SMG6: variants seen among roughly 807,000 people sequenced by gnomAD.
SMG6 encodes telomerase-binding protein EST1A.
Under a neutral mutation model 142.2 loss-of-function variants are expected in SMG6, and 66 were observed. The observed-to-expected ratio is 0.46, with a 90% confidence interval of 0.38 to 0.57. The LOEUF (loss-of-function observed/expected upper bound fraction) is 0.57. SMG6 is among the 20% of genes least tolerant of loss of function. SMG6 has a pLI of 0.00. For missense variants in SMG6, 1,793 were observed against 1,832.0 expected (o/e 0.98, Z 0.39); for synonymous variants, 779 against 702.4 (o/e 1.11, Z -1.72).
chr17:2,180,455 A>T (rs988277216), intron 12 of SMG6, among the ~76,000 whole-genome samples: 1 of 152,208 alleles, frequency 6.6e-6, no homozygotes, highest in African/African-American at 2.4e-5. Flanking sequence ...TCTAACACAC[A>T]GATCTAATAA....
rs1009629707 is a variant in SMG6, at chr17:2,113,829, G to C, written c.3358-27928C>G. ...AATTATCTCCTCCTGAGTGTCACAC[G>C]AGAGTGGTGGAACTAGTTATGAAGT... is the stretch of plus-strand genomic sequence containing the variant. On this transcript the variant is annotated intron_variant, in intron 13 of 18. Transcript: ENST00000263073. 3.3e-5 allele frequency among the ~76,000 whole-genome samples: 5 copies of C among 152,126 alleles called. No individual in the cohort carries two copies. In the South Asian group the frequency reaches 1.0e-3, roughly 31 times the overall value.
chr17:2,115,976 G>A (rs2069493266), intron 13 of SMG6, among the ~76,000 whole-genome samples: 1 of 152,104 alleles, frequency 6.6e-6, no homozygotes, highest in African/African-American at 2.4e-5. Flanking sequence ...CAAAGTGCAA[G>A]AATTACAGGT....
intron 10 of SMG6, chr17:2,199,818 G>A (rs1424106024): frequency 6.6e-6 from 1 of 151,298 alleles, no homozygotes; most frequent in Non-Finnish European, 1.5e-5. Flanking sequence ...TGAGGCAGGA[G>A]AATCGCTTGA....
Position 2,269,648 on chromosome 17 carries a change from A to T in SMG6, c.2661+12999T>A, listed in dbSNP as rs2074504819. 2.6e-5 allele frequency among the ~76,000 whole-genome samples: 4 copies of T among 152,184 alleles called. No individual in the cohort carries two copies. The South Asian group carries it at 8.3e-4, about 31-fold the overall frequency. On this transcript the variant is annotated intron_variant, in intron 8 of 18. Coordinates refer to ENST00000263073, the MANE Select transcript of SMG6 (RefSeq NM_017575.5). Reference sequence around the variant, plus strand: ...ACTATCCAACTTTGTGTAGCCACGTATTCCAACTCAGAAAGAAAACTGTCC... The same window carrying T: ...ACTATCCAACTTTGTGTAGCCACGTTTTCCAACTCAGAAAGAAAACTGTCC...
intron 8 of SMG6, among the ~76,000 whole-genome samples, chr17:2,251,883 C>T (rs908220419): frequency 5.1e-4 from 78 of 151,954 alleles, no homozygotes; most frequent in African/African-American, 1.8e-3. Flanking sequence ...GGGCGGATCA[C>T]CTGAGGTCGG....
At position 2,153,473 on chromosome 17, in the gene SMG6, G is replaced by C. The variant is rs189730801; in HGVS notation, c.3357+19185C>G. On this transcript the variant is annotated intron_variant, in intron 13 of 18. Transcript: ENST00000263073. ...ATGAAAGTATGTGTTTCTCAAAACT[G>C]TACAACAGAGTGAATTTTAACTTAT... 2.0e-5 allele frequency among the ~76,000 whole-genome samples: 3 copies of C among 152,352 alleles called. No individual in the cohort carries two copies. The East Asian group carries it at 5.8e-4, about 29-fold the overall frequency.
intron 13 of SMG6, among the ~76,000 whole-genome samples, chr17:2,153,034 T>C (rs1167621732): frequency 2.0e-5 from 3 of 152,246 alleles, no homozygotes; most frequent in Non-Finnish European, 4.4e-5. Flanking sequence ...ACAGCATGCA[T>C]GAATCTCAAA....
chr17:2,087,762 T>A (rs1236635922), intron 13 of SMG6: 1 of 985,840 alleles, frequency 1.0e-6, no homozygotes, highest in African/African-American at 1.7e-5. Flanking sequence ...AAATGAGTAA[T>A]AGCCTGGCAG....
chr17:2,216,383 A>C (rs2073021135), intron 10 of SMG6, among the ~76,000 whole-genome samples: 1 of 152,196 alleles, frequency 6.6e-6, no homozygotes, highest in African/African-American at 2.4e-5. Context: ...AAGTAGGCTG[A>C]AGATTTAAAC....
At position 2,061,672 on chromosome 17, in the gene SMG6, G is replaced by A. The variant is rs73296332; in HGVS notation, c.4130-50C>T. 6.3e-3 allele frequency: 9,705 copies of A among 1,542,552 alleles called. 465 individuals are homozygous for A. In the African/African-American group the frequency reaches 0.11, roughly 18 times the overall value. On this transcript the variant is annotated intron_variant, in intron 18 of 18. Coordinates refer to ENST00000263073, the MANE Select transcript of SMG6 (RefSeq NM_017575.5). ...CTGTCACTGAGGACAGGAGGCAGAG[G>A]GCTGGCTGCTCTTCTCACCCTGGAG...
intron 8 of SMG6, among the ~76,000 whole-genome samples, chr17:2,245,137 C>T (rs1208693505): frequency 6.6e-6 from 1 of 152,162 alleles, no homozygotes; most frequent in Non-Finnish European, 1.5e-5. Flanking sequence ...TTTCTACCTA[C>T]CTAGCTAGGA....
chr17:2,166,904 C>T (rs982613639), intron 13 of SMG6, among the ~76,000 whole-genome samples: 5 of 152,070 alleles, frequency 3.3e-5, no homozygotes, highest in Non-Finnish European at 7.4e-5. Context: ...GCGGGCAGAT[C>T]ACCTTGAGGT....
Position 2,292,968 on chromosome 17 carries a change from C to T in SMG6, c.2161G>A (p.Ala721Thr). ...SKPLRKTVKY[A>T]LISAQRCMIC... ...ATGCATCGCTGGGCACTGATCAAGG[C>T]ATATTTTACCTTCAGGAAAAACAAC... Residue 721 changes from alanine (A) to threonine (T), a missense_variant, in exon 5 of 19, where the codon GCC becomes ACC. Coordinates refer to ENST00000263073, the MANE Select transcript of SMG6 (RefSeq NM_017575.5). 1.2e-6 allele frequency: 2 copies of T among 1,613,112 alleles called. No individual in the cohort carries two copies. Among genetic ancestry groups the T allele is most frequent in the Non-Finnish European group, 1.7e-6 (2 of 1,179,044 alleles).
At chr17:2,303,030 G>A (rs1396125674) in intron 1 of SMG6, 1 of 985,314 alleles carries the variant, frequency 1.0e-6, no homozygotes, top group Admixed American at 6.1e-5. Flanking sequence ...GACGTGGCTG[G>A]AGACTTGAAA....
chr17:2,252,398 C>CA (rs11378012), intron 8 of SMG6, among the ~76,000 whole-genome samples: 82,572 of 146,022 alleles, frequency 0.57, 24,207 homozygotes, highest in East Asian at 0.74. Flanking sequence ...GACTCCAACT[C>CA]AAAAAAAATA....
chr17:2,254,784 G>A (rs1188435186), intron 8 of SMG6, among the ~76,000 whole-genome samples: 1 of 152,148 alleles, frequency 6.6e-6, no homozygotes, highest in Non-Finnish European at 1.5e-5. Flanking sequence ...CTGTGAACAA[G>A]GCAGAGATAA....
intron 10 of SMG6, among the ~76,000 whole-genome samples, chr17:2,217,096 TACTGG>T (rs2073040819): frequency 6.6e-6 from 1 of 152,202 alleles, no homozygotes; most frequent in Non-Finnish European, 1.5e-5. Flanking sequence ...ATCCACAAGG[TACTGG>T]ACGTAGAAAC....
intron 6 of SMG6, among the ~76,000 whole-genome samples, chr17:2,287,246 G>A (rs918858691): frequency 6.6e-6 from 1 of 152,138 alleles, no homozygotes; most frequent in East Asian, 1.9e-4. Flanking sequence ...ATGGACAAAG[G>A]ACTTGAATAG....
intron 10 of SMG6, among the ~76,000 whole-genome samples, chr17:2,202,875 T>C (rs953090844): frequency 9.2e-5 from 14 of 152,166 alleles, no homozygotes; most frequent in African/African-American, 3.4e-4. Flanking sequence ...TCAGGTTGAT[T>C]CCAAAGCTCT....
Sources: gnomAD v4.1 joint callset for allele counts (sites outside exome capture counted in the v4.1 genomes callset) on GRCh38, gnomAD v4.1.1 for gene constraint, MANE v1.5 for transcripts, NCBI Gene and HGNC (gene_info 2026-07-23, HGNC 2026-07-21) for gene names.